IL20: variants seen among roughly 807,000 people sequenced by gnomAD.
IL20 encodes interleukin 20.
In IL20, 22 loss-of-function variants were observed where a neutral mutation model predicts 19.2. That is an observed-to-expected ratio of 1.15 (90% confidence interval 0.82 to 1.64). The LOEUF (loss-of-function observed/expected upper bound fraction) is 1.64, where lower values mean the gene tolerates loss of function less well. IL20 is among the 40% of genes most tolerant of loss of function. The pLI, the probability that IL20 is intolerant of heterozygous loss-of-function variation, is 0.00. For synonymous variants in IL20, 70 were observed against 76.2 expected (o/e 0.92, Z 0.43); for missense variants, 215 against 212.8 (o/e 1.01, Z -0.06).
chr1:206,864,412 T>C (rs1252874270), upstream of IL20, among the ~76,000 whole-genome samples: 1 of 152,162 alleles, frequency 6.6e-6, no homozygotes, highest in South Asian at 2.1e-4. Flanking sequence ...TGCATATATA[T>C]ATATGATGTG....
intron 5 of IL20, 71 bp from the exon 6 acceptor site, chr1:206,868,416 T>C (rs1252983871): frequency 3.7e-6 from 4 of 1,074,042 alleles, no homozygotes; most frequent in Non-Finnish European, 5.3e-6. Context: ...GACCTATCCA[T>C]AAAAGAGATA....
chr1:206,868,653 T>C lies in IL20; in HGVS notation c.*89T>C. 2.4e-6 allele frequency: 2 copies of C among 839,042 alleles called. No individual in the cohort carries two copies. The highest frequency in any genetic ancestry group is 3.6e-6 in the Non-Finnish European group (2 of 552,534). The allele number at this position is 839,042 out of a possible 1,614,324, so 52.0% of individuals were successfully genotyped here. Reference sequence around the variant, plus strand: ...GAGGAGGCATGACCCCAAACCACCATCTCTTTACTGTACTAGTCTTGTGCT... The same window carrying C: ...GAGGAGGCATGACCCCAAACCACCACCTCTTTACTGTACTAGTCTTGTGCT... On this transcript the variant is annotated 3_prime_UTR_variant, in exon 6 of 6. Transcript: ENST00000367098.
Position 206,868,498 on chromosome 1 carries a change from G to C in IL20, c.465G>C (p.Gln155His). ...ILSHFEKLEP[Q>H]AAVVKALGEL... ...TGTGTCTCTTTCAGCTGGAACCTCA[G>C]GCAGCAGTTGTGAAGGCTTTGGGGG... Residue 155 changes from glutamine (Q) to histidine (H), a missense_variant, in exon 6 of 6, where the codon CAG (glutamine) becomes CAC (histidine). Gln to His is a conservative substitution (Grantham distance 24). Transcript: ENST00000367098. 1.9e-6 allele frequency: 3 copies of C among 1,593,456 alleles called. No individual in the cohort carries two copies. Among genetic ancestry groups the C allele is most frequent in the Non-Finnish European group, 2.6e-6 (3 of 1,169,590 alleles).
chr1:206,868,059 G>T (rs1677608434), intron 5 of IL20, among the ~76,000 whole-genome samples: 1 of 152,002 alleles, frequency 6.6e-6, no homozygotes, highest in African/African-American at 2.4e-5. Flanking sequence ...GATAGGGATT[G>T]TGCCATTCAC....
At chr1:206,866,232 C>A in intron 2 of IL20, 67 bp from the exon 3 acceptor site, 2 of 1,482,302 alleles carry the variant, frequency 1.3e-6, no homozygotes, top group South Asian at 1.1e-5. Context: ...GATGAGAAGT[C>A]TTGATATTGA....
At chr1:206,867,953 A>G (rs1677606500) in intron 5 of IL20, among the ~76,000 whole-genome samples, 1 of 152,136 alleles carries the variant, frequency 6.6e-6, no homozygotes, top group Non-Finnish European at 1.5e-5. Context: ...TCTCAGAGTT[A>G]GATGCCTCCC....
intron 5 of IL20, 58 bp from the exon 6 acceptor site, chr1:206,868,429 T>C (rs2102507092): frequency 7.6e-7 from 1 of 1,307,788 alleles, no homozygotes; most frequent in South Asian, 1.4e-5. Context: ...AAGAGATAGG[T>C]CCTGGAGCAA....
At chr1:206,865,341 C>T (rs1400986), upstream of IL20, 45,494 of 211,238 alleles carry the variant, frequency 0.22, 5,928 homozygotes, top group African/African-American at 0.37. This position sits in a 1 kb window ranked among gnomAD's most constrained non-coding sequence, Gnocchi z 4.1. Flanking sequence ...ACAATTTCCC[C>T]CTAGGTGTTT....
rs1002003744 is a variant in IL20 at position 206,866,788 on chromosome 1, A to G, written c.378+152A>G. The stretch of plus-strand genomic sequence containing the variant: ...TGTTGAGACATGTGACTAGGTAATA[A>G]GAACTCAGTTTTATTGACTTTTCGG... On this transcript the variant is annotated intron_variant, in intron 4 of 5. Transcript: ENST00000367098. The G allele has an allele frequency of 3.5e-5, 29 of 823,106 alleles. No homozygotes were observed. In the African/African-American group the frequency reaches 4.6e-4, roughly 13 times the overall value. The allele number at this position is 823,106 out of a possible 1,614,324, so 51.0% of individuals were successfully genotyped here.
At chr1:206,866,434 G>T in intron 3 of IL20, 50 bp from the exon 4 acceptor site, 2 of 1,613,678 alleles carry the variant, frequency 1.2e-6, no homozygotes, top group Non-Finnish European at 1.7e-6. Flanking sequence ...CCCTGGTCTT[G>T]TCTCTGCTCT....
At position 206,868,833 on chromosome 1, in the gene IL20, G is replaced by T. The variant is rs996257055; in HGVS notation, c.*269G>T. On this transcript the variant is annotated 3_prime_UTR_variant, in exon 6 of 6. Coordinates refer to ENST00000367098, the MANE Select transcript of IL20 (RefSeq NM_018724.4). ...TAGTTAATATATTTATTTATTTTTTGCTATTTAATGTATTTATTTTTTTAC... is the reference window on the plus strand; with the variant it reads ...TAGTTAATATATTTATTTATTTTTTTCTATTTAATGTATTTATTTTTTTAC... 1.2e-4 allele frequency: 22 copies of T among 185,354 alleles called. No homozygotes were observed. The highest frequency in any genetic ancestry group is 2.4e-4 in the Admixed American group (4 of 16,456). The allele number at this position is 185,354 out of a possible 1,614,324, so 11.5% of individuals were successfully genotyped here.
In IL20 at chr1:206,866,591, C is replaced by G; in HGVS notation, c.333C>G (p.Ser111Arg). 6.2e-7 allele frequency: 1 copy of G among 1,614,160 alleles called. No homozygotes were observed. Among genetic ancestry groups the G allele is most frequent in the Non-Finnish European group, 8.5e-7 (1 of 1,180,002 alleles). Residue 111 changes from serine to arginine, a missense_variant, in exon 4 of 6, where the codon AGC (serine) becomes AGG (arginine). Ser to Arg is a moderately radical substitution (Grantham distance 110). Transcript: ENST00000367098. ...PDHYTLRKISSLANSFLTIKK... is the reference protein window; with the variant it reads ...PDHYTLRKISRLANSFLTIKK... ...ATTATACTCTCCGGAAGATCAGCAG[C>G]CTCGCCAATTCCTTTCTTACCATCA...
upstream of IL20, among the ~76,000 whole-genome samples, chr1:206,864,964 G>A (rs191273533): frequency 6.6e-6 from 1 of 152,210 alleles, no homozygotes; most frequent in Admixed American, 6.5e-5. Context: ...TACTGAGGAG[G>A]CTCGCCCAAG....
upstream of IL20, chr1:206,865,227 C>T (rs1677509708): frequency 6.6e-6 from 1 of 152,366 alleles, no homozygotes. The surrounding 1 kb of genome is among the most constrained non-coding windows in gnomAD (Gnocchi z 4.1). Context: ...CTATTTGCCT[C>T]TGGGGCTTAA....
chr1:206,866,744 CA>C, intron 4 of IL20, 108 bp downstream of exon 4: 1 of 1,110,138 alleles, frequency 9.0e-7, no homozygotes, highest in Non-Finnish European at 1.3e-6. Context: ...AAACTGAGTC[CA>C]AAAGTTCTAA....
Position 206,868,532 on chromosome 1 carries a change from A to G in IL20, c.499A>G (p.Ile167Val), listed in dbSNP as rs1468950304. 2.5e-6 allele frequency: 4 copies of G among 1,607,118 alleles called. No homozygotes were observed. The highest frequency in any genetic ancestry group is 2.7e-5 in the African/African-American group (2 of 74,534). The change falls in exon 6 of 6, where the codon ATT (isoleucine) becomes GTT (valine). Residue 167 changes from isoleucine to valine, a missense_variant. Ile to Val is a conservative substitution (Grantham distance 29). Transcript: ENST00000367098. The part of the protein sequence containing the change: ...AVVKALGELD[I>V]LLQWMEETE ...TGTGAAGGCTTTGGGGGAACTAGAC[A>G]TTCTTCTGCAATGGATGGAGGAGAC...
chr1:206,865,101 C>T (rs935247619), upstream of IL20, among the ~76,000 whole-genome samples: 1 of 152,186 alleles, frequency 6.6e-6, no homozygotes, highest in Non-Finnish European at 1.5e-5. The surrounding 1 kb of genome is among the most constrained non-coding windows in gnomAD (Gnocchi z 4.1). Context: ...TGACTACAGT[C>T]CTCCTGCAGA....
Position 206,866,541 on chromosome 1 carries a change from T to C in IL20, c.283T>C (p.Phe95Leu). 2 of 1,614,100 alleles carry C rather than the reference T, an allele frequency of 1.2e-6. No individual in the cohort carries two copies. The highest frequency in any genetic ancestry group is 1.7e-6 in the Non-Finnish European group (2 of 1,179,970). ...GCTAAGACTCTATCTGGACAGGGTATTTAAAAACTACCAGACCCCTGACCA... is the reference window on the plus strand; with the variant it reads ...GCTAAGACTCTATCTGGACAGGGTACTTAAAAACTACCAGACCCCTGACCA... ...HLLRLYLDRVFKNYQTPDHYT... is the reference protein window; with the variant it reads ...HLLRLYLDRVLKNYQTPDHYT... Residue 95 changes from phenylalanine to leucine, a missense_variant, in exon 4 of 6, where the codon TTT (phenylalanine) becomes CTT (leucine). Physicochemically the swap from Phe to Leu is conservative, Grantham distance 22. Transcript: ENST00000367098.
intron 2 of IL20, 76 bp downstream of exon 2, chr1:206,866,087 C>G: frequency 7.0e-7 from 1 of 1,423,712 alleles, no homozygotes; most frequent in Non-Finnish European, 9.9e-7. Flanking sequence ...CCTGGCAGTA[C>G]TGGCAGTGTA....
Sources: allele counts gnomAD v4.1 joint callset (sites outside exome capture counted in the v4.1 genomes callset), GRCh38; gene constraint gnomAD v4.1.1; non-coding constraint Gnocchi (gnomAD v3.1); transcripts MANE v1.5; gene names NCBI Gene and HGNC (gene_info 2026-07-23, HGNC 2026-07-21).